Variants in NFKBIB observed in about 807,000 individuals in gnomAD.
NFKBIB encodes the protein NF-kappa-B inhibitor beta.
In NFKBIB, 16 loss-of-function variants were observed where a neutral mutation model predicts 32.1. The ratio of observed to expected loss-of-function variants is 0.50; its 90% CI spans 0.34 to 0.76. NFKBIB has a LOEUF of 0.76. Ranked by LOEUF, NFKBIB falls within the 30% of genes least tolerant of loss-of-function variation. NFKBIB has a pLI of 0.01. For missense variants in NFKBIB, 437 were observed against 514.9 expected (o/e 0.85, Z 1.46); for synonymous variants, 222 against 219.5 (o/e 1.01, Z -0.10).
upstream of NFKBIB, chr19:38,899,676 A>G (rs1453641765): frequency 1.9e-6 from 2 of 1,035,524 alleles, no homozygotes; most frequent in Non-Finnish European, 2.9e-6. Flanking sequence ...ACAGAACTAC[A>G]ACTCTCAGCA....
intron 1 of NFKBIB, among the ~76,000 whole-genome samples, chr19:38,904,084 A>AAAATAAATAAAT (rs58249749): frequency 2.6e-5 from 4 of 151,092 alleles, no homozygotes; most frequent in African/African-American, 9.7e-5. Flanking sequence ...AATAAAAATT[A>AAAATAAATAAAT]AAATAAATAA....
rs1568411011 is a variant in NFKBIB, at chr19:38,900,007, G to GGGGGGCCCCTGAGGCGGC, written c.-18_-1dup. Reference sequence around the variant, plus strand: ...AGCCCAGCTACAGGCGGGCGACTGCGGGGGGCCCCTGAGGCGGCGGGGGCC... The same window carrying GGGGGGCCCCTGAGGCGGC: ...AGCCCAGCTACAGGCGGGCGACTGCGGGGGGCCCCTGAGGCGGCGGGGGCCCCTGAGGCGGCGGGGGCC... On this transcript the variant is annotated 5_prime_UTR_variant, in exon 1 of 6. Transcript: ENST00000313582. 6.9e-7 allele frequency: 1 copy of GGGGGGCCCCTGAGGCGGC among 1,444,788 alleles called. No homozygotes were observed. Among genetic ancestry groups the GGGGGGCCCCTGAGGCGGC allele is most frequent in the Non-Finnish European group, 9.1e-7 (1 of 1,101,962 alleles). The allele number at this position is 1,444,788 out of a possible 1,614,324, so 89.5% of individuals were successfully genotyped here.
chr19:38,904,098 AATAAATAAATAAATAAAT>A (rs1276213318), intron 1 of NFKBIB, among the ~76,000 whole-genome samples: 1 of 151,696 alleles, frequency 6.6e-6, no homozygotes, highest in Non-Finnish European at 1.5e-5. Context: ...TAAATAAATA[AATAAATAAATAAATAAAT>A]ATTCTTGAAT....
In NFKBIB at chr19:38,905,857, A is replaced by G. The variant is rs1462563325; in HGVS notation, c.619+322A>G. 6.6e-6 allele frequency among the ~76,000 whole-genome samples: 1 copy of G among 152,068 alleles called. No homozygotes were observed. Among genetic ancestry groups the G allele is most frequent in the Non-Finnish European group, 1.5e-5 (1 of 67,984 alleles). On this transcript the variant is annotated intron_variant, in intron 3 of 5. Transcript: ENST00000313582. This position sits in a 1 kb window ranked among gnomAD's most constrained non-coding sequence, Gnocchi z 5.5. ...TGTATTGCAGACCCCTACCCTACCCAGGACCGGGGAATGCAGAGCTCAGGC... is the reference window on the plus strand; with the variant it reads ...TGTATTGCAGACCCCTACCCTACCCGGGACCGGGGAATGCAGAGCTCAGGC...
At position 38,907,317 on chromosome 19, in the gene NFKBIB, C is replaced by G; in HGVS notation, c.708+8C>G. On this transcript the variant is annotated splice_region_variant and intron_variant, in intron 4 of 5. Transcript: ENST00000313582. ...GCTGACCTTGACAAACCGGTGAGCC[C>G]CAACCTCGGGGAAGATGCCGTCGGC... 6.2e-7 allele frequency: 1 copy of G among 1,611,292 alleles called. No individual in the cohort carries two copies.
chr19:38,908,639 A>G, intron 5 of NFKBIB, 92 bp from the exon 6 acceptor site: 1 of 1,452,156 alleles, frequency 6.9e-7, no homozygotes, highest in Non-Finnish European at 9.1e-7. Flanking sequence ...CTTTGAGGCG[A>G]GACCTAATTC....
intron 1 of NFKBIB, among the ~76,000 whole-genome samples, chr19:38,901,573 A>G (rs1419807755): frequency 6.6e-6 from 1 of 152,010 alleles, no homozygotes; most frequent in Admixed American, 6.6e-5. Context: ...TGCTCGCTGA[A>G]ACCTCTGACT....
At chr19:38,906,899 G>T (rs997355001) in intron 3 of NFKBIB, among the ~76,000 whole-genome samples, 1 of 152,142 alleles carries the variant, frequency 6.6e-6, no homozygotes, top group East Asian at 1.9e-4. Context: ...TAGCGTGCCA[G>T]CTCAGGTCCT....
In NFKBIB at chr19:38,907,542, G is replaced by T. The variant is rs778623900; in HGVS notation, c.852G>T (p.Arg284=). 1.2e-6 allele frequency: 2 copies of T among 1,612,414 alleles called. No individual in the cohort carries two copies. Among genetic ancestry groups the T allele is most frequent in the African/African-American group, 2.7e-5 (2 of 74,930 alleles). ...CCCCACTCGGCAGTGCCATGCTCCGGCCCAACCCCATCCTCGCCCGCCTCC... is the reference window on the plus strand; with the variant it reads ...CCCCACTCGGCAGTGCCATGCTCCGTCCCAACCCCATCCTCGCCCGCCTCC... ...GRTPLGSAML[R]PNPILARLLR... Residue 284 remains arginine, a synonymous_variant, in exon 5 of 6, where the codon CGG becomes CGT. Coordinates refer to ENST00000313582, the MANE Select transcript of NFKBIB (RefSeq NM_002503.5).
At chr19:38,907,094 A>G (rs1266828234) in intron 3 of NFKBIB, 127 bp from the exon 4 acceptor site, 34 of 855,516 alleles carry the variant, frequency 4.0e-5, no homozygotes, top group Non-Finnish European at 6.0e-5. Flanking sequence ...TGCCATACCC[A>G]AGAATTCAGG....
At chr19:38,899,732 C>G, upstream of NFKBIB, 1 of 761,662 alleles carries the variant, frequency 1.3e-6, no homozygotes, top group Non-Finnish European at 2.2e-6. Context: ...CCAGAGCGCC[C>G]CAGTTAGGTA....
chr19:38,907,756 TG>T, intron 5 of NFKBIB, 97 bp downstream of exon 5: 1 of 1,462,366 alleles, frequency 6.8e-7, no homozygotes, highest in Admixed American at 2.5e-5. Context: ...GACCTTGGGC[TG>T]CTGTTAGAGA....
chr19:38,907,451 C>T lies in NFKBIB; in HGVS notation c.761C>T (p.Ala254Val). The part of the protein sequence containing the change: ...PLHLAVEAQA[A>V]DVLELLLRAG... ...CATTTGGCAGTGGAGGCCCAGGCAG[C>T]CGATGTGCTGGAGCTTCTCCTGAGG... Residue 254 changes from alanine to valine, a missense_variant, in exon 5 of 6, where the codon GCC becomes GTC. Ala to Val is a moderately conservative substitution (Grantham distance 64, BLOSUM62 0). Transcript: ENST00000313582. 1.9e-6 allele frequency: 3 copies of T among 1,606,590 alleles called. No individual in the cohort carries two copies. The highest frequency in any genetic ancestry group is 2.6e-6 in the Non-Finnish European group (3 of 1,175,302).
chr19:38,901,878 ACAGTCTCTG>A (rs1257304874), intron 1 of NFKBIB, among the ~76,000 whole-genome samples: 3 of 151,984 alleles, frequency 2.0e-5, no homozygotes, highest in Non-Finnish European at 4.4e-5. Flanking sequence ...CTGTGCCCAG[ACAGTCTCTG>A]CCTTTTAATT....
chr19:38,904,881 C>T (rs926950434), intron 1 of NFKBIB, 134 bp from the exon 2 acceptor site: 1 of 762,688 alleles, frequency 1.3e-6, no homozygotes, highest in Non-Finnish European at 2.2e-6. Context: ...GACCTCTGAC[C>T]TCCCAGATAG....
chr19:38,903,750 T>C (rs1057376846), intron 1 of NFKBIB, among the ~76,000 whole-genome samples: 1 of 152,050 alleles, frequency 6.6e-6, no homozygotes, highest in Non-Finnish European at 1.5e-5. Flanking sequence ...TTTTGCCTTG[T>C]TAGTCTGGAG....
chr19:38,900,693 C>T (rs545995637), intron 1 of NFKBIB, among the ~76,000 whole-genome samples: 1 of 152,192 alleles, frequency 6.6e-6, no homozygotes, highest in African/African-American at 2.4e-5. Context: ...ATGTTGAATT[C>T]CTAATTAAAG....
chr19:38,902,085 C>CTTTTTTTTTTTTTTTTTT lies in NFKBIB; in HGVS notation c.179+1887_179+1888insTTTTTTTTTTTTTTTTTT, dbSNP rs74176475. ...CTGTATAGTGTTTTTCATTTTATTT[C>CTTTTTTTTTTTTTTTTTT]TTTTTTTTTTTTTGAGATGGAGTCT... is the stretch of plus-strand genomic sequence containing the variant. On this transcript the variant is annotated intron_variant, in intron 1 of 5. Transcript: ENST00000313582. Among the ~76,000 whole-genome samples, 306 of 92,286 alleles carry CTTTTTTTTTTTTTTTTTT rather than the reference C, an allele frequency of 3.3e-3. 38 individuals are homozygous for CTTTTTTTTTTTTTTTTTT. The highest frequency in any genetic ancestry group is 7.0e-3 in the East Asian group (14 of 2,014). 60.5% of individuals were successfully genotyped at this position (92,286 alleles called of 152,430 possible).
Position 38,905,134 on chromosome 19 carries a change from G to T in NFKBIB, c.285+14G>T, listed in dbSNP as rs761463748. On this transcript the variant is annotated intron_variant, in intron 2 of 5. Transcript: ENST00000313582. The surrounding 1 kb of genome is among the most constrained non-coding windows in gnomAD (Gnocchi z 5.5). ...GACCTAGGCCAGGTGAGCCACGAGG[G>T]ATGGTGTAGGGCTTGGGGTCCAGGG... 6.2e-7 allele frequency: 1 copy of T among 1,614,010 alleles called. No homozygotes were observed. Among genetic ancestry groups the T allele is most frequent in the Non-Finnish European group, 8.5e-7 (1 of 1,179,914 alleles).
Sources: gnomAD v4.1 joint callset for allele counts (sites outside exome capture counted in the v4.1 genomes callset) on GRCh38, gnomAD v4.1.1 for gene constraint, Gnocchi (gnomAD v3.1) non-coding constraint, MANE v1.5 for transcripts, NCBI Gene and HGNC (gene_info 2026-07-23, HGNC 2026-07-21) for gene names.